Variants in NUDT6 observed in about 807,000 individuals in gnomAD.
The protein encoded by NUDT6 is FAD diphosphatase NUDT6.
Under a neutral mutation model 36.8 loss-of-function variants are expected in NUDT6, and 24 were observed. The observed-to-expected ratio is 0.65, with a 90% CI of 0.47 to 0.92. The LOEUF is 0.92. Ranked by LOEUF, NUDT6 falls within the 40% of genes least tolerant of loss-of-function variation. NUDT6 has a pLI of 0.00. For missense variants in NUDT6, 388 were observed against 392.8 expected, an observed-to-expected ratio of 0.99 and a Z score of 0.10; for synonymous variants, 163 against 157.0, an observed-to-expected ratio of 1.04 and a Z score of -0.29.
chr4:122,904,461 A>G (rs931093940), intron 3 of NUDT6, among the ~76,000 whole-genome samples: 4 of 146,724 alleles, frequency 2.7e-5, no homozygotes, highest in Admixed American at 2.7e-4. Context: ...CCTACTTTCT[A>G]TAATTTTTTT....
chr4:122,915,469 C>CAAAAAAA (rs61032259), intron 2 of NUDT6, among the ~76,000 whole-genome samples: 10 of 42,262 alleles, frequency 2.4e-4, no homozygotes, highest in African/African-American at 6.6e-4. Context: ...GACCCTGCCT[C>CAAAAAAA]AAAAAAAAAA....
At position 122,922,393 on chromosome 4, in the gene NUDT6, C is replaced by T. The variant is rs762179847; in HGVS notation, c.180G>A (p.Leu60=). ...GGCGGTCCAGCGCATCGAGCCGCGC[C>T]AGGCGCACCGAGATGCCCCCGAATC... ...LDRFGGISVR[L]ARLDALDRLD... The change falls in exon 1 of 5, where the codon CTG becomes CTA. Residue 60 remains leucine, a synonymous_variant. Coordinates refer to ENST00000304430, the MANE Select transcript of NUDT6 (RefSeq NM_007083.5). The T allele has an allele frequency of 2.5e-6, 4 of 1,609,334 alleles. No individual in the cohort carries two copies. Among genetic ancestry groups the T allele is most frequent in the Non-Finnish European group, 2.5e-6 (3 of 1,179,760 alleles).
chr4:122,897,877 T>C, intron 3 of NUDT6, 199 bp from the exon 4 acceptor site: 3 of 561,604 alleles, frequency 5.3e-6, no homozygotes, highest in Non-Finnish European at 9.6e-6. Context: ...GATGAAATCT[T>C]TTCCCACCTT....
chr4:122,910,481 T>G (rs1393523054), intron 3 of NUDT6, among the ~76,000 whole-genome samples: 1 of 152,218 alleles, frequency 6.6e-6, no homozygotes, highest in Non-Finnish European at 1.5e-5. Context: ...ATTTGGTAGA[T>G]TAACCAACCC....
chr4:122,919,061 G>A (rs1304356643), intron 1 of NUDT6: 1 of 152,220 alleles, frequency 6.6e-6, no homozygotes, highest in Non-Finnish European at 1.5e-5. Context: ...GTGTCTTGGA[G>A]AATCCACTCT....
intron 1 of NUDT6, chr4:122,919,161 C>T (rs1055691917): frequency 1.3e-5 from 2 of 152,262 alleles, no homozygotes; most frequent in African/African-American, 4.8e-5. Context: ...TGCTCCCAGA[C>T]ATTTCCTGTC....
chr4:122,920,055 T>G (rs868705930), intron 1 of NUDT6: 10 of 152,342 alleles, frequency 6.6e-5, no homozygotes, highest in African/African-American at 2.4e-4. Context: ...CTAACTTCAG[T>G]TGTTGGTAAC....
chr4:122,893,162 A>G lies in NUDT6; in HGVS notation c.617T>C (p.Leu206Pro), dbSNP rs1727240187. ...TGIKSEFRSV[L>P]SIRQQHTNPG... ...ATTTGTGTGCTGTTGCCGAATACTCAGGACGGACCTGAATTCTGATTTTAT... is the reference window on the plus strand; with the variant it reads ...ATTTGTGTGCTGTTGCCGAATACTCGGGACGGACCTGAATTCTGATTTTAT... The change falls in exon 5 of 5, where the codon CTG becomes CCG. Residue 206 changes from leucine (L) to proline (P), a missense_variant. Leu to Pro is a moderately conservative substitution (Grantham distance 98). Transcript: ENST00000304430. The G allele has an allele frequency of 6.2e-7, 1 of 1,614,042 alleles. No individual in the cohort carries two copies. Among genetic ancestry groups the G allele is most frequent in the African/African-American group, 1.3e-5 (1 of 74,932 alleles).
chr4:122,894,014 G>A (rs1470209229), intron 4 of NUDT6: 1 of 152,208 alleles, frequency 6.6e-6, no homozygotes, highest in East Asian at 1.9e-4. Context: ...TGCCCTTGCA[G>A]TAATTCTACT....
rs1480177684 is a variant in NUDT6, at chr4:122,922,583, C to T, written c.-11G>A. The T allele has an allele frequency of 2.5e-6, 4 of 1,588,100 alleles. No homozygotes were observed. The highest frequency in any genetic ancestry group is 4.5e-5 in the East Asian group (2 of 44,642). The stretch of plus-strand genomic sequence containing the variant: ...CAGTGGCTGCCGCATCTCCACGCCG[C>T]TTAATTCGTCCGTTGCCCAAATGAC... On this transcript the variant is annotated 5_prime_UTR_variant, in exon 1 of 5. Coordinates refer to ENST00000304430, the MANE Select transcript of NUDT6 (RefSeq NM_007083.5).
rs1396569712 is a variant in NUDT6, at chr4:122,922,559, A to G, written c.14T>C (p.Leu5Pro). 3 of 1,599,150 alleles carry G rather than the reference A, an allele frequency of 1.9e-6. No homozygotes were observed. Among genetic ancestry groups the G allele is most frequent in the Non-Finnish European group, 2.5e-6 (3 of 1,176,662 alleles). Residue 5 changes from leucine to proline, a missense_variant, in exon 1 of 5, where the codon CTG (leucine) becomes CCG (proline). Coordinates refer to ENST00000304430, the MANE Select transcript of NUDT6 (RefSeq NM_007083.5). ...CATCGCGCGCCAGCGGCCCCAGCTC[A>G]GTGGCTGCCGCATCTCCACGCCGCT... MRQP[L>P]SWGRWRAMLA... is the part of the protein sequence containing the mutation.
In NUDT6 at chr4:122,922,540, GCGC is replaced by G; in HGVS notation, c.30_32del (p.Trp10_Arg11delinsCys). ...GGCCGTAGGTTCGGGCAAGCATCGC[GCGC>G]CAGCGGCCCCAGCTCAGTGGCTGCC... On this transcript the variant is annotated inframe_deletion, in exon 1 of 5. Coordinates refer to ENST00000304430, the MANE Select transcript of NUDT6 (RefSeq NM_007083.5). The G allele has an allele frequency of 6.2e-7, 1 of 1,603,214 alleles. No individual in the cohort carries two copies. Among genetic ancestry groups the G allele is most frequent in the Non-Finnish European group, 8.5e-7 (1 of 1,177,602 alleles).
chr4:122,919,200 A>T (rs903254387), intron 1 of NUDT6: 8 of 152,150 alleles, frequency 5.3e-5, no homozygotes, highest in Non-Finnish European at 1.0e-4. Flanking sequence ...GACTTCACAA[A>T]GTGTGTTCAA....
chr4:122,915,831 T>C, intron 2 of NUDT6, among the ~76,000 whole-genome samples: 1 of 152,254 alleles, frequency 6.6e-6, no homozygotes, highest in Non-Finnish European at 1.5e-5. Flanking sequence ...TCTTTTGAAA[T>C]AGAGCTGAAC....
chr4:122,909,554 G>C (rs368894192), intron 3 of NUDT6, among the ~76,000 whole-genome samples: 4 of 152,160 alleles, frequency 2.6e-5, no homozygotes, highest in African/African-American at 9.7e-5. Context: ...TATAACAGAG[G>C]AATAAGTATT....
In NUDT6 at chr4:122,893,014, C is replaced by T. The variant is rs760186313; in HGVS notation, c.765G>A (p.Ala255=). 32 of 1,614,014 alleles carry T rather than the reference C, an allele frequency of 2.0e-5. No homozygotes were observed. Among genetic ancestry groups the T allele is most frequent in the Middle Eastern group, 1.6e-4 (1 of 6,084 alleles). Residue 255 remains alanine (A), a synonymous_variant, in exon 5 of 5, where the codon GCG becomes GCA. Transcript: ENST00000304430. Reference sequence around the variant, plus strand: ...TGATGGGAGTTGTATTTTCAGTCTTCGCCAGGTCATTGAGATCCATCCACT... The same window carrying T: ...TGATGGGAGTTGTATTTTCAGTCTTTGCCAGGTCATTGAGATCCATCCACT... ...RCEWMDLNDL[A]KTENTTPITS...
chr4:122,910,356 A>T (rs749040500), intron 3 of NUDT6, among the ~76,000 whole-genome samples: 1 of 152,216 alleles, frequency 6.6e-6, no homozygotes, highest in Non-Finnish European at 1.5e-5. Context: ...TATATCTGCC[A>T]GGAAAGCTCC....
chr4:122,898,901 G>A (rs113339854), intron 3 of NUDT6, among the ~76,000 whole-genome samples: 223 of 152,128 alleles, frequency 1.5e-3, no homozygotes, highest in Non-Finnish European at 2.8e-3. Context: ...TACTTTTTGA[G>A]ACAGGGTCTC....
intron 3 of NUDT6, among the ~76,000 whole-genome samples, chr4:122,911,229 C>T (rs1050866787): frequency 7.2e-5 from 11 of 152,144 alleles, no homozygotes; most frequent in African/African-American, 2.7e-4. Context: ...TCAGCTCCCT[C>T]TCATTGGGCA....
Sources: allele counts gnomAD v4.1 joint callset (sites outside exome capture counted in the v4.1 genomes callset), GRCh38; gene constraint gnomAD v4.1.1; transcripts MANE v1.5; gene names NCBI Gene and HGNC (gene_info 2026-07-23, HGNC 2026-07-21).